DDX52: variants seen among roughly 807,000 people sequenced by gnomAD.
The protein encoded by DDX52 is DExD-box helicase 52, also known as probable ATP-dependent RNA helicase DDX52.
Under a neutral mutation model 76.1 loss-of-function variants are expected in DDX52, and 59 were observed. The ratio of observed to expected loss-of-function variants is 0.78; its 90% CI spans 0.63 to 0.96. The LOEUF (loss-of-function observed/expected upper bound fraction) is 0.96, where lower values mean the gene tolerates loss of function less well. Ranked by LOEUF, DDX52 falls within the 40% of genes least tolerant of loss-of-function variation. The pLI is 0.00. For synonymous variants in DDX52, 231 were observed against 244.1 expected, an observed-to-expected ratio of 0.95 and a Z score of 0.50; for missense variants, 707 against 703.9, an observed-to-expected ratio of 1.00 and a Z score of -0.05.
rs61756269 is a variant in DDX52, at chr17:37,632,266, G to A, written c.450C>T (p.His150=). ...GGTCAGGAAGATCGGTTCCTTGGAC[G>A]TGAATTTTGTGTTTATTCCGCAAGA... ...INFLRNKHKI[H]VQGTDLPDPI... Residue 150 remains histidine (H), a synonymous_variant, in exon 4 of 15, where the codon CAC becomes CAT. Transcript: ENST00000617633. 7.7e-4 allele frequency: 1,236 copies of A among 1,614,048 alleles called. No homozygotes were observed. Among genetic ancestry groups the A allele is most frequent in the Non-Finnish European group, 9.9e-4 (1,170 of 1,180,014 alleles).
intron 14 of DDX52, among the ~76,000 whole-genome samples, chr17:37,615,520 A>C (rs2064414597): frequency 6.6e-6 from 1 of 152,084 alleles, no homozygotes; most frequent in Non-Finnish European, 1.5e-5. Context: ...TCTACTAAAA[A>C]TAAAACAATA....
Position 37,643,381 on chromosome 17 carries a change from C to A in DDX52, c.40G>T (p.Ala14Ser), listed in dbSNP as rs759393764. The change falls in exon 1 of 15, where the codon GCC becomes TCC. Residue 14 changes from alanine to serine, a missense_variant. Ala to Ser is a moderately conservative substitution (Grantham distance 99). Transcript: ENST00000617633. ...HDLFRRLGAG[A>S]KFDTRRFSAD... Reference sequence around the variant, plus strand: ...GAGAAGCGTCTCGTGTCGAATTTGGCCCCCGCGCCGAGCCGGCGAAAGAGA... The same window carrying A: ...GAGAAGCGTCTCGTGTCGAATTTGGACCCCGCGCCGAGCCGGCGAAAGAGA... The A allele has an allele frequency of 6.2e-7, 1 of 1,613,746 alleles. No homozygotes were observed. Among genetic ancestry groups the A allele is most frequent in the Admixed American group, 1.7e-5 (1 of 59,982 alleles).
chr17:37,641,614 G>T (rs1265004046), intron 2 of DDX52, among the ~76,000 whole-genome samples: 2 of 151,870 alleles, frequency 1.3e-5, no homozygotes, highest in Non-Finnish European at 1.5e-5. Flanking sequence ...ACACGCACCT[G>T]TAGTCCCAGC....
rs200545664 is a variant in DDX52 at position 37,611,956 on chromosome 17, C to CAAAAAAAAAAAAAAA, written c.*2325_*2339dup. On this transcript the variant is annotated 3_prime_UTR_variant, in exon 15 of 15. Transcript: ENST00000617633. ...AAATTAGGTAACAGACCCTGTTTCT[C>CAAAAAAAAAAAAAAA]AAAAAAAAAAAAAAAAACAAAACAA... The CAAAAAAAAAAAAAAA allele has an allele frequency of 1.5e-5, 1 of 64,686 alleles. No individual in the cohort carries two copies. The highest frequency in any genetic ancestry group is 5.0e-5 in the African/African-American group (1 of 20,088). The allele number at this position is 64,686 out of a possible 1,614,324, so 4.0% of individuals were successfully genotyped here.
intron 3 of DDX52, among the ~76,000 whole-genome samples, chr17:37,633,073 A>G (rs1181475029): frequency 6.6e-6 from 1 of 152,228 alleles, no homozygotes; most frequent in Non-Finnish European, 1.5e-5. Flanking sequence ...AGAATTTTAT[A>G]TATGTATCAG....
rs1295854018 is a variant in DDX52, at chr17:37,643,371, T to C, written c.50A>G (p.Asp17Gly). Residue 17 changes from aspartate to glycine, a missense_variant, in exon 1 of 15, where the codon GAC becomes GGC. Transcript: ENST00000617633. ...TGCGTCTGCCGAGAAGCGTCTCGTG[T>C]CGAATTTGGCCCCCGCGCCGAGCCG... Reference protein sequence around the residue: ...FRRLGAGAKFDTRRFSADAAR... With the variant: ...FRRLGAGAKFGTRRFSADAAR... 11 of 1,614,018 alleles carry C rather than the reference T, an allele frequency of 6.8e-6. No homozygotes were observed. In the East Asian group the frequency reaches 2.5e-4, roughly 36 times the overall value.
rs752889264 is a variant in DDX52 at position 37,632,185 on chromosome 17, A to T, written c.531T>A (p.Leu177=). 6.2e-7 allele frequency: 1 copy of T among 1,613,658 alleles called. No individual in the cohort carries two copies. The highest frequency in any genetic ancestry group is 8.5e-7 in the Non-Finnish European group (1 of 1,179,946). Reference sequence around the variant, plus strand: ...GGAAACCTGCATCTAGAATGTTCTGAAGTAGTCGAGAATTGATTTTATATT... The same window carrying T: ...GGAAACCTGCATCTAGAATGTTCTGTAGTAGTCGAGAATTGATTTTATATT... The part of the protein sequence containing the change: ...DQEYKINSRL[L]QNILDAGFQM... The change falls in exon 4 of 15, where the codon CTT becomes CTA. Residue 177 remains leucine (L), a synonymous_variant. Coordinates refer to ENST00000617633, the MANE Select transcript of DDX52 (RefSeq NM_007010.5).
chr17:37,633,384 C>A lies in DDX52; in HGVS notation c.321G>T (p.Gln107His). Residue 107 changes from glutamine (Q) to histidine (H), a missense_variant, in exon 3 of 15, where the codon CAG becomes CAT. Gln to His is a conservative substitution (Grantham distance 24). Transcript: ENST00000617633. ...IASQEEGATI[Q>H]WMSSVEAKIE... ...TCTTTGCTTCTACAGATGACATCCA[C>A]TGTATAGTAGCACCTTCTTCTTGGG... The A allele has an allele frequency of 1.9e-6, 3 of 1,606,876 alleles. No individual in the cohort carries two copies. In the South Asian group the frequency reaches 3.4e-5, roughly 18 times the overall value.
chr17:37,640,971 G>A (rs961840162), intron 2 of DDX52, among the ~76,000 whole-genome samples: 118 of 152,156 alleles, frequency 7.8e-4, no homozygotes, highest in African/African-American at 1.9e-3. Context: ...GCAACAGAGC[G>A]AGACTCTGTC....
At chr17:37,631,511 G>A (rs1314448824) in intron 4 of DDX52, 1 of 152,980 alleles carries the variant, frequency 6.5e-6, no homozygotes, top group Non-Finnish European at 1.5e-5. Flanking sequence ...AATTGTCTGG[G>A]GTAATACATA....
rs1486593851 is a variant in DDX52 at position 37,630,053 on chromosome 17, G to A, written c.724C>T (p.Pro242Ser). 2 of 1,612,432 alleles carry A rather than the reference G, an allele frequency of 1.2e-6. No homozygotes were observed. The highest frequency in any genetic ancestry group is 2.2e-5 in the East Asian group (1 of 44,870). Residue 242 changes from proline (P) to serine (S), a missense_variant, in exon 5 of 15, where the codon CCA becomes TCA. Pro to Ser is a moderately conservative substitution (Grantham distance 74, BLOSUM62 -1). Transcript: ENST00000617633. Reference sequence around the variant, plus strand: ...ACCTGGCTGGCAAGTTCTCGTGTTGGTGATATAATCAGGGCTCTGAAGCCT... The same window carrying A: ...ACCTGGCTGGCAAGTTCTCGTGTTGATGATATAATCAGGGCTCTGAAGCCT... Reference protein sequence around the residue: ...NKGFRALIISPTRELASQIHR... With the variant: ...NKGFRALIISSTRELASQIHR...
At chr17:37,631,072 A>T (rs1006384494) in intron 4 of DDX52, 1 of 152,230 alleles carries the variant, frequency 6.6e-6, no homozygotes, top group Non-Finnish European at 1.5e-5. Flanking sequence ...TTCATCTCTC[A>T]AAGAAAATGA....
intron 14 of DDX52, 76 bp from the exon 15 acceptor site, chr17:37,614,429 T>G: frequency 7.1e-7 from 1 of 1,401,576 alleles, no homozygotes; most frequent in South Asian, 1.3e-5. Context: ...ACCACCAGTT[T>G]AATAAACATT....
In DDX52 at chr17:37,643,031, G is replaced by T. The variant is rs2031273025; in HGVS notation, c.87+303C>A. ...TGTTTTCGAAATTCCTTTCCTCTAG[G>T]TTCGGAGAAAAAGTTCCTTTTGAAA... is the stretch of plus-strand genomic sequence containing the variant. On this transcript the variant is annotated intron_variant, in intron 1 of 14. Transcript: ENST00000617633. The T allele has an allele frequency of 1.0e-5, 3 of 293,858 alleles. No homozygotes were observed. In the Admixed American group the frequency reaches 1.5e-4, roughly 15 times the overall value. 18.2% of individuals were successfully genotyped at this position (293,858 alleles called of 1,614,324 possible). A position where few individuals can be genotyped will look rare whatever the true frequency, so the allele number is the denominator to read the frequency against.
chr17:37,626,394 A>G (rs2030375902), intron 7 of DDX52, among the ~76,000 whole-genome samples: 2 of 152,012 alleles, frequency 1.3e-5, no homozygotes, highest in South Asian at 4.2e-4. Flanking sequence ...GCCACCATGT[A>G]AGATATGTCT....
Position 37,611,489 on chromosome 17 carries a change from A to T in DDX52, c.*2807T>A, listed in dbSNP as rs2064364598. The T allele has an allele frequency of 6.6e-6, 1 of 152,184 alleles. No individual in the cohort carries two copies. The highest frequency in any genetic ancestry group is 1.5e-5 in the Non-Finnish European group (1 of 68,032). The allele number at this position is 152,184 out of a possible 1,614,324, so 9.4% of individuals were successfully genotyped here. ...TAAGTGTTATGACAAGAATCAAAAAAGTTTATAAAGGCCGGATATAGTGGC... is the reference window on the plus strand; with the variant it reads ...TAAGTGTTATGACAAGAATCAAAAATGTTTATAAAGGCCGGATATAGTGGC... On this transcript the variant is annotated 3_prime_UTR_variant, in exon 15 of 15. Transcript: ENST00000617633.
Position 37,642,277 on chromosome 17 carries a change from G to C in DDX52, c.119C>G (p.Ser40Trp). 1 of 1,613,948 alleles carries C rather than the reference G, an allele frequency of 6.2e-7. No individual in the cohort carries two copies. The highest frequency in any genetic ancestry group is 1.1e-5 in the South Asian group (1 of 91,058). Residue 40 changes from serine to tryptophan, a missense_variant, in exon 2 of 15, where the codon TCG becomes TGG. By Grantham distance (177) the Ser-to-Trp change is radical. Transcript: ENST00000617633. Reference protein sequence around the residue: ...IGKRKYDFDSSEVLQGLDFFG... With the variant: ...IGKRKYDFDSWEVLQGLDFFG... The stretch of plus-strand genomic sequence containing the variant: ...AAAGTCCAGTCCCTGAAGCACCTCC[G>C]AAGAATCAAAGTCATATTTCCTTTT...
chr17:37,643,199 G>A, intron 1 of DDX52, 135 bp downstream of exon 1: 2 of 849,520 alleles, frequency 2.4e-6, no homozygotes, highest in Admixed American at 2.9e-5. Context: ...AACACAAAAG[G>A]AAGCAAAATA....
intron 14 of DDX52, among the ~76,000 whole-genome samples, chr17:37,614,674 C>T (rs566719196): frequency 6.6e-5 from 10 of 152,264 alleles, no homozygotes; most frequent in African/African-American, 1.9e-4. Context: ...TGTATTAACT[C>T]GGGTAATTTT....
Sources: gnomAD v4.1 joint callset for allele counts (sites outside exome capture counted in the v4.1 genomes callset) on GRCh38, gnomAD v4.1.1 for gene constraint, MANE v1.5 for transcripts, NCBI Gene and HGNC (gene_info 2026-07-23, HGNC 2026-07-21) for gene names.